The following ITPRID1 variants were observed in gnomAD, a reference collection of about 807,000 sequenced individuals.
ITPRID1 encodes the protein ITPR interacting domain containing 1.
In ITPRID1, 96 loss-of-function variants were observed where a neutral mutation model predicts 95.4. The observed-to-expected ratio is 1.01, with a 90% CI of 0.85 to 1.19. ITPRID1 has a LOEUF of 1.19. ITPRID1 is among the 50% of genes most tolerant of loss of function. The pLI is 0.00. For missense variants in ITPRID1, 1,339 were observed against 1,252.9 expected, an observed-to-expected ratio of 1.07 and a Z score of -1.04; for synonymous variants, 510 against 453.6, an observed-to-expected ratio of 1.12 and a Z score of -1.58.
chr7:31,628,903 G>A (rs986673883), intron 10 of ITPRID1, among the ~76,000 whole-genome samples: 2 of 152,110 alleles, frequency 1.3e-5, no homozygotes, highest in African/African-American at 2.4e-5. Context: ...ACTCAACAAG[G>A]ACAATGTTTC....
At position 31,643,780 on chromosome 7, in the gene ITPRID1, C is replaced by T; in HGVS notation, c.2410C>T (p.His804Tyr). 6.2e-7 allele frequency: 1 copy of T among 1,614,016 alleles called. No individual in the cohort carries two copies. Among genetic ancestry groups the T allele is most frequent in the Non-Finnish European group, 8.5e-7 (1 of 1,179,894 alleles). Residue 804 changes from histidine (H) to tyrosine (Y), a missense_variant, in exon 12 of 15, where the codon CAC becomes TAC. Transcript: ENST00000615280. ...GGGCACCTGCCATGCTATACCTGCC[C>T]ACTGCTGCATCTGCTGTCATCACCA... ...PMGTCHAIPA[H>Y]CCICCHHHPH...
At position 31,652,850 on chromosome 7, in the gene ITPRID1, C is replaced by A; in HGVS notation, c.*21C>A. On this transcript the variant is annotated 3_prime_UTR_variant, in exon 15 of 15. Coordinates refer to ENST00000615280, the MANE Select transcript of ITPRID1 (RefSeq NM_001257967.3). ...TCTAGATCAGAGCAGGTTTGTTAAC[C>A]TTCATACAAAATATAAAGGCCCAGA... 1 of 1,599,050 alleles carries A rather than the reference C, an allele frequency of 6.3e-7. No individual in the cohort carries two copies. Among genetic ancestry groups the A allele is most frequent in the Non-Finnish European group, 8.6e-7 (1 of 1,168,534 alleles).
chr7:31,567,627 G>A (rs1436790418), intron 5 of ITPRID1, among the ~76,000 whole-genome samples: 1 of 150,412 alleles, frequency 6.6e-6, no homozygotes, highest in Non-Finnish European at 1.5e-5. Context: ...TGTCACCCAG[G>A]CTTGAGCGCA....
chr7:31,616,139 A>T (rs1390221743), intron 10 of ITPRID1, among the ~76,000 whole-genome samples: 1 of 152,154 alleles, frequency 6.6e-6, no homozygotes, highest in Non-Finnish European at 1.5e-5. Flanking sequence ...TACATGCAAA[A>T]ATATAAATTA....
intron 10 of ITPRID1, among the ~76,000 whole-genome samples, chr7:31,601,425 A>G (rs1447138272): frequency 6.6e-6 from 1 of 152,202 alleles, no homozygotes; most frequent in African/African-American, 2.4e-5. Flanking sequence ...CCACACACTT[A>G]GACACCTTGA....
chr7:31,604,617 T>A (rs547036278), intron 10 of ITPRID1, among the ~76,000 whole-genome samples: 1 of 152,272 alleles, frequency 6.6e-6, no homozygotes, highest in African/African-American at 2.4e-5. Flanking sequence ...TGATTTAAGT[T>A]CAAACTTAGT....
At position 31,551,163 on chromosome 7, in the gene ITPRID1, A is replaced by G. The variant is rs986775632; in HGVS notation, c.-24+1664A>G. Among the ~76,000 whole-genome samples, 8 of 143,392 alleles carry G rather than the reference A, an allele frequency of 5.6e-5. 1 individual carries two copies. Among genetic ancestry groups the G allele is most frequent in the African/African-American group, 1.5e-4 (6 of 40,762 alleles). 94.1% of individuals were successfully genotyped at this position (143,392 alleles called of 152,430 possible). ...TGGTATTTCATGAATGTTGTTGAGC[A>G]TGGTTTTGGAGTTTTTCCTCCTTGT... On this transcript the variant is annotated intron_variant, in intron 2 of 14. Coordinates refer to ENST00000615280, the MANE Select transcript of ITPRID1 (RefSeq NM_001257967.3).
chr7:31,586,009 TC>T (rs2128151169), intron 10 of ITPRID1, among the ~76,000 whole-genome samples: 1 of 133,854 alleles, frequency 7.5e-6, no homozygotes, highest in African/African-American at 2.8e-5. Context: ...CCCACAACAG[TC>T]CCCAGAGTGT....
intron 10 of ITPRID1, among the ~76,000 whole-genome samples, chr7:31,633,373 A>G (rs1789194134): frequency 6.6e-6 from 1 of 152,316 alleles, no homozygotes; most frequent in South Asian, 2.1e-4. Context: ...CTCTGACCAG[A>G]TAGGAGTCAT....
intron 5 of ITPRID1, among the ~76,000 whole-genome samples, chr7:31,563,185 A>C (rs370412262): frequency 2.0e-5 from 3 of 152,214 alleles, no homozygotes; most frequent in Admixed American, 1.3e-4. Flanking sequence ...TTTAAAAAAC[A>C]AAGAGGCAAA....
At chr7:31,538,189 C>A (rs529742506) in intron 1 of ITPRID1, among the ~76,000 whole-genome samples, 12 of 152,262 alleles carry the variant, frequency 7.9e-5, no homozygotes, top group Non-Finnish European at 1.6e-4. Context: ...GTACTCTTCC[C>A]ATTCTTTAAT....
At chr7:31,630,386 T>C (rs1484883856) in intron 10 of ITPRID1, among the ~76,000 whole-genome samples, 1 of 152,162 alleles carries the variant, frequency 6.6e-6, no homozygotes, top group Non-Finnish European at 1.5e-5. Context: ...ATGATGCAGT[T>C]CAAAATCAGG....
Position 31,569,769 on chromosome 7 carries a change from G to A in ITPRID1, c.268G>A (p.Glu90Lys). 1 of 1,584,700 alleles carries A rather than the reference G, an allele frequency of 6.3e-7. No homozygotes were observed. The highest frequency in any genetic ancestry group is 8.6e-7 in the Non-Finnish European group (1 of 1,164,070). The change falls in exon 6 of 15, where the codon GAA becomes AAA. Residue 90 changes from glutamate to lysine, a missense_variant. Physicochemically the swap from Glu to Lys is moderately conservative, Grantham distance 56. Transcript: ENST00000615280. Reference sequence around the variant, plus strand: ...TTTTGTTGTTGCAGTTTCTTTGTATGAACAAGGGATGGTTCAAATGACTGT... The same window carrying A: ...TTTTGTTGTTGCAGTTTCTTTGTATAAACAAGGGATGGTTCAAATGACTGT... ...QVIDRTVSLY[E>K]QGMVQMTVKD...
intron 5 of ITPRID1, among the ~76,000 whole-genome samples, chr7:31,562,741 T>C (rs549145396): frequency 6.6e-6 from 1 of 152,326 alleles, no homozygotes; most frequent in South Asian, 2.1e-4. Flanking sequence ...TACAAGACCC[T>C]CTAGTCTTAT....
intron 1 of ITPRID1, among the ~76,000 whole-genome samples, chr7:31,520,497 CTT>C (rs1431362423): frequency 6.6e-6 from 1 of 150,962 alleles, no homozygotes; most frequent in Non-Finnish European, 1.5e-5. Flanking sequence ...TCCTGTGTCT[CTT>C]TGACATACCA....
chr7:31,607,950 C>G (rs1786698113), intron 10 of ITPRID1, among the ~76,000 whole-genome samples: 1 of 151,830 alleles, frequency 6.6e-6, no homozygotes, highest in African/African-American at 2.4e-5. Flanking sequence ...CCATAGCATC[C>G]TATTTTTTTT....
intron 10 of ITPRID1, among the ~76,000 whole-genome samples, chr7:31,598,533 A>G (rs1444960526): frequency 1.3e-5 from 2 of 150,534 alleles, no homozygotes; most frequent in Non-Finnish European, 2.9e-5. Context: ...CCTCCCGAGT[A>G]GCTGGGACTA....
intron 1 of ITPRID1, among the ~76,000 whole-genome samples, chr7:31,545,710 C>A (rs1005259948): frequency 4.6e-5 from 7 of 152,080 alleles, no homozygotes; most frequent in Non-Finnish European, 7.4e-5. Flanking sequence ...CAGGAGTGAG[C>A]ACCCTTCACA....
At chr7:31,617,871 T>C (rs769305838) in intron 10 of ITPRID1, among the ~76,000 whole-genome samples, 2 of 152,238 alleles carry the variant, frequency 1.3e-5, no homozygotes, top group Non-Finnish European at 2.9e-5. Context: ...AGAGTTACTT[T>C]TATTTACTTC....
Sources: allele counts gnomAD v4.1 joint callset (sites outside exome capture counted in the v4.1 genomes callset), GRCh38; gene constraint gnomAD v4.1.1; transcripts MANE v1.5; gene names NCBI Gene and HGNC (gene_info 2026-07-23, HGNC 2026-07-21).